Variants in PDE11A observed in about 807,000 individuals in gnomAD.
PDE11A encodes the protein dual 3',5'-cyclic-AMP and -GMP phosphodiesterase 11A.
A neutral mutation model predicts 100.5 loss-of-function variants in PDE11A; 100 were observed. That is an observed-to-expected ratio of 1.00 (90% CI 0.85 to 1.18). PDE11A has a LOEUF of 1.18. PDE11A is among the 50% of genes most tolerant of loss of function. The pLI, the probability that PDE11A is intolerant of heterozygous loss-of-function variation, is 0.00. For synonymous variants in PDE11A, 381 were observed against 420.8 expected, an observed-to-expected ratio of 0.91 and a Z score of 1.16; for missense variants, 1,141 against 1,152.6, an observed-to-expected ratio of 0.99 and a Z score of 0.15.
At chr2:177,926,078 A>G (rs552946505) in intron 2 of PDE11A, among the ~76,000 whole-genome samples, 4 of 152,362 alleles carry the variant, frequency 2.6e-5, no homozygotes, top group Non-Finnish European at 5.9e-5. Flanking sequence ...TAAAGATAGT[A>G]GAAACCAAAA....
At chr2:177,856,593 A>G (rs2083837597) in intron 5 of PDE11A, among the ~76,000 whole-genome samples, 1 of 152,122 alleles carries the variant, frequency 6.6e-6, no homozygotes. Context: ...ATCAATAAAG[A>G]GAAAGAAATT....
At chr2:177,851,691 A>T (rs1426801290) in intron 5 of PDE11A, among the ~76,000 whole-genome samples, 1 of 152,186 alleles carries the variant, frequency 6.6e-6, no homozygotes, top group Non-Finnish European at 1.5e-5. Flanking sequence ...TTGTATCCCA[A>T]ACTACATCCA....
intron 5 of PDE11A, among the ~76,000 whole-genome samples, chr2:177,870,399 C>A (rs746499674): frequency 5.9e-5 from 9 of 152,188 alleles, no homozygotes; most frequent in Non-Finnish European, 8.8e-5. Flanking sequence ...GTACCAACAA[C>A]GTACAATACA....
intron 2 of PDE11A, among the ~76,000 whole-genome samples, chr2:178,100,974 G>T (rs141586506): frequency 1.3e-5 from 2 of 152,224 alleles, no homozygotes; most frequent in African/African-American, 4.8e-5. Context: ...CTATATAAAT[G>T]CTAACAATGA....
intron 10 of PDE11A, among the ~76,000 whole-genome samples, chr2:177,748,066 T>C (rs1049704800): frequency 1.8e-4 from 28 of 152,164 alleles, no homozygotes; most frequent in Non-Finnish European, 1.9e-4. Context: ...TAGATTGGAC[T>C]CTAATTGGTA....
chr2:177,993,949 T>TTC (rs2086036880), intron 2 of PDE11A, among the ~76,000 whole-genome samples: 1 of 151,578 alleles, frequency 6.6e-6, no homozygotes, highest in African/African-American at 2.4e-5. Context: ...TTTTTTTTTT[T>TTC]TTTTGAGGCA....
chr2:177,677,801 G>T (rs1348872277), intron 16 of PDE11A: 2 of 152,154 alleles, frequency 1.3e-5, no homozygotes, highest in Admixed American at 1.3e-4. Flanking sequence ...GAGAGTAAAA[G>T]ACCAGGGAGA....
chr2:178,064,065 A>G (rs2087007597), intron 1 of PDE11A, among the ~76,000 whole-genome samples: 1 of 152,182 alleles, frequency 6.6e-6, no homozygotes, highest in African/African-American at 2.4e-5. Context: ...ATTAGATTTG[A>G]TGATTAGAGG....
At chr2:177,988,958 T>C (rs1454666642) in intron 2 of PDE11A, among the ~76,000 whole-genome samples, 1 of 152,234 alleles carries the variant, frequency 6.6e-6, no homozygotes, top group Non-Finnish European at 1.5e-5. Flanking sequence ...ATGTGTGTTA[T>C]CTGTACATAA....
intron 10 of PDE11A, among the ~76,000 whole-genome samples, chr2:177,754,067 C>T (rs552260469): frequency 2.0e-5 from 3 of 151,732 alleles, no homozygotes; most frequent in East Asian, 1.9e-4. Context: ...TGGGTGACTG[C>T]GAATATTTTG....
At chr2:177,771,824 G>A (rs2082314813) in intron 9 of PDE11A, among the ~76,000 whole-genome samples, 1 of 152,028 alleles carries the variant, frequency 6.6e-6, no homozygotes, top group Admixed American at 6.6e-5. Context: ...CCAACATGAT[G>A]AAACCCCACC....
intron 9 of PDE11A, among the ~76,000 whole-genome samples, chr2:177,798,675 G>A (rs751625738): frequency 6.6e-6 from 1 of 152,162 alleles, no homozygotes; most frequent in Non-Finnish European, 1.5e-5. Context: ...GAAAGGAGTA[G>A]TGGAATATAA....
chr2:177,951,653 A>G (rs2085506584), intron 2 of PDE11A, among the ~76,000 whole-genome samples: 1 of 152,208 alleles, frequency 6.6e-6, no homozygotes, highest in African/African-American at 2.4e-5. Context: ...CCAAAGGGCA[A>G]TGCAAGTGGG....
chr2:177,689,386 A>G (rs528229913), intron 15 of PDE11A, among the ~76,000 whole-genome samples: 1 of 151,924 alleles, frequency 6.6e-6, no homozygotes, highest in African/African-American at 2.4e-5. Context: ...CCGGCCTGTA[A>G]CTCTCCTCAA....
intron 2 of PDE11A, among the ~76,000 whole-genome samples, chr2:178,089,865 A>G (rs759714701): frequency 3.3e-5 from 5 of 152,210 alleles, no homozygotes; most frequent in Non-Finnish European, 5.9e-5. Flanking sequence ...AAGCTGGATG[A>G]TAGGAATGGC....
chr2:177,666,365 C>A (rs2080582071), intron 18 of PDE11A, among the ~76,000 whole-genome samples: 1 of 152,200 alleles, frequency 6.6e-6, no homozygotes, highest in Non-Finnish European at 1.5e-5. Context: ...TGAACATTCA[C>A]ATACAGTTTT....
intron 1 of PDE11A, among the ~76,000 whole-genome samples, chr2:178,051,334 C>G (rs1417275609): frequency 6.6e-6 from 1 of 152,182 alleles, no homozygotes; most frequent in African/African-American, 2.4e-5. Flanking sequence ...CCAGGCCTGC[C>G]TTACAAGAGC....
intron 2 of PDE11A, among the ~76,000 whole-genome samples, chr2:177,926,492 T>C (rs183058959): frequency 1.3e-5 from 2 of 152,274 alleles, no homozygotes; most frequent in East Asian, 3.9e-4. Context: ...ATTCAGTAGA[T>C]AGAACTCAAA....
chr2:177,753,807 C>G (rs970868906), intron 10 of PDE11A, among the ~76,000 whole-genome samples: 1 of 151,148 alleles, frequency 6.6e-6, no homozygotes, highest in African/African-American at 2.4e-5. Flanking sequence ...TGTATGCATC[C>G]TATGACACTG....
Sources: gnomAD v4.1 joint callset for allele counts (sites outside exome capture counted in the v4.1 genomes callset) on GRCh38, gnomAD v4.1.1 for gene constraint, MANE v1.5 for transcripts, NCBI Gene and HGNC (gene_info 2026-07-23, HGNC 2026-07-21) for gene names.